STX10: variants seen among roughly 807,000 people sequenced by gnomAD.
STX10 encodes the protein syntaxin-10.
In STX10, 35 loss-of-function variants were observed where a neutral mutation model predicts 34.1. That is an observed-to-expected ratio of 1.03 (90% CI 0.78 to 1.36). STX10 has a LOEUF of 1.36. STX10 is among the 40% of genes most tolerant of loss of function. The pLI, the probability that STX10 is intolerant of heterozygous loss-of-function variation, is 0.00. For synonymous variants in STX10, 155 were observed against 132.9 expected, an observed-to-expected ratio of 1.17 and a Z score of -1.15; for missense variants, 361 against 335.5, an observed-to-expected ratio of 1.08 and a Z score of -0.59.
rs189486076 is a variant in STX10 at position 13,144,494 on chromosome 19, C to A, written c.674-8G>T. The A allele has an allele frequency of 1.9e-6, 3 of 1,613,522 alleles. No individual in the cohort carries two copies. Among genetic ancestry groups the A allele is most frequent in the South Asian group, 1.1e-5 (1 of 90,992 alleles). On this transcript the variant is annotated splice_polypyrimidine_tract_variant and splice_region_variant and intron_variant, in intron 7 of 7. Coordinates refer to ENST00000587230, the MANE Select transcript of STX10 (RefSeq NM_003765.3). ...CACACCACTGTCGGCGGTCTGGGAA[C>A]GAGAAGGTCAGGGGTCACGGGGAGA...
chr19:13,149,047 C>T lies in STX10; in HGVS notation c.345G>A (p.Leu115=). The stretch of plus-strand genomic sequence containing the variant: ...GGCTTACCTCTCTGTTATTCCTCTC[C>T]AAAAATGCTACGGCTGTTGGGCTGA... ...HMVSPTAVAF[L]ERNNREILAG... is the part of the protein sequence containing the mutation. Residue 115 remains leucine, a synonymous_variant, in exon 4 of 8, where the codon TTG becomes TTA. Transcript: ENST00000587230. 6.2e-7 allele frequency: 1 copy of T among 1,603,354 alleles called. No homozygotes were observed. The highest frequency in any genetic ancestry group is 8.5e-7 in the Non-Finnish European group (1 of 1,174,780).
intron 4 of STX10, among the ~76,000 whole-genome samples, chr19:13,146,400 A>G (rs2019900880): frequency 6.6e-6 from 1 of 152,046 alleles, no homozygotes; most frequent in South Asian, 2.1e-4. Flanking sequence ...ACATCCAGCT[A>G]ATTTTTGTAT....
chr19:13,149,826 G>T lies in STX10; in HGVS notation c.107C>A (p.Ala36Glu). The T allele has an allele frequency of 6.2e-7, 1 of 1,613,564 alleles. No homozygotes were observed. Among genetic ancestry groups the T allele is most frequent in the Non-Finnish European group, 8.5e-7 (1 of 1,179,976 alleles). ...GTCCAGCTCCTCGCGTCCGACCGCC[G>T]CGCTTTCCTGCAGGAGCTCGCACCA... is the stretch of plus-strand genomic sequence containing the variant. ...QRWCELLQES[A>E]AVGREELDWT... Residue 36 changes from alanine (A) to glutamate (E), a missense_variant, in exon 2 of 8, where the codon GCG becomes GAG. Physicochemically the swap from Ala to Glu is moderately radical, Grantham distance 107. Transcript: ENST00000587230.
intron 4 of STX10, among the ~76,000 whole-genome samples, chr19:13,146,375 C>T (rs960511877): frequency 1.3e-5 from 2 of 152,146 alleles, no homozygotes; most frequent in South Asian, 2.1e-4. Flanking sequence ...GCTGGGATTA[C>T]AGGCACCTGC....
chr19:13,148,503 CAAAAAAA>C (rs35867694), intron 4 of STX10, among the ~76,000 whole-genome samples: 1 of 75,302 alleles, frequency 1.3e-5, no homozygotes, highest in Non-Finnish European at 2.8e-5. Context: ...AACTCCATCT[CAAAAAAA>C]AAAAAAAAAA....
intron 4 of STX10, among the ~76,000 whole-genome samples, chr19:13,147,773 T>G (rs1208873876): frequency 6.6e-6 from 1 of 151,434 alleles, no homozygotes; most frequent in Non-Finnish European, 1.5e-5. Context: ...GGTGGGTGCC[T>G]GTAATCCCAG....
At chr19:13,144,707 C>T (rs911804564) in intron 6 of STX10, 36 bp from the exon 7 acceptor site, 1 of 1,613,232 alleles carries the variant, frequency 6.2e-7, no homozygotes, top group Admixed American at 1.7e-5. Flanking sequence ...CCCAGATGGC[C>T]CAGACACACC....
At position 13,145,368 on chromosome 19, in the gene STX10, T is replaced by C. The variant is rs2019874985; in HGVS notation, c.391A>G (p.Lys131Glu). The part of the protein sequence containing the change: ...EILAGKPAAQ[K>E]SPSDLLDASA... ...GCATCCAGCAGGTCGCTGGGTGACT[T>C]CTGGGCAGCTGGCTTGCCTGCGAGT... Residue 131 changes from lysine to glutamate, a missense_variant, in exon 5 of 8, where the codon AAG becomes GAG. By Grantham distance (56) the Lys-to-Glu change is moderately conservative. Coordinates refer to ENST00000587230, the MANE Select transcript of STX10 (RefSeq NM_003765.3). 7 of 1,611,644 alleles carry C rather than the reference T, an allele frequency of 4.3e-6. No individual in the cohort carries two copies. Among genetic ancestry groups the C allele is most frequent in the African/African-American group, 1.3e-5 (1 of 75,050 alleles).
intron 2 of STX10, 33 bp downstream of exon 2, chr19:13,149,695 C>T: frequency 6.2e-7 from 1 of 1,610,340 alleles, no homozygotes; most frequent in Non-Finnish European, 8.5e-7. Context: ...TGGGCTCTCC[C>T]ATGCCACCCT....
In STX10 at chr19:13,144,777, C is replaced by G; in HGVS notation, c.565G>C (p.Asp189His). 6.2e-7 allele frequency: 1 copy of G among 1,613,890 alleles called. No homozygotes were observed. The highest frequency in any genetic ancestry group is 8.5e-7 in the Non-Finnish European group (1 of 1,179,992). ...HMSGRVGEELDEQGIMLDAFA... is the reference protein window; with the variant it reads ...HMSGRVGEELHEQGIMLDAFA... Reference sequence around the variant, plus strand: ...TCCTGGCCTCACATGCCCTGCTCGTCCAGCTCTTCTCCAACGCGGCCGGAC... The same window carrying G: ...TCCTGGCCTCACATGCCCTGCTCGTGCAGCTCTTCTCCAACGCGGCCGGAC... The change falls in exon 6 of 8, where the codon GAC (aspartate) becomes CAC (histidine). Residue 189 changes from aspartate to histidine, a missense_variant. By Grantham distance (81) the Asp-to-His change is moderately conservative (BLOSUM62 -1). Transcript: ENST00000587230.
At chr19:13,146,527 G>T (rs986170218) in intron 4 of STX10, among the ~76,000 whole-genome samples, 1 of 151,422 alleles carries the variant, frequency 6.6e-6, no homozygotes, top group African/African-American at 2.4e-5. Context: ...GAGCTACCAT[G>T]CCTGGCCCAA....
chr19:13,144,796 G>A lies in STX10; in HGVS notation c.546C>T (p.Gly182=). 1 of 1,613,930 alleles carries A rather than the reference G, an allele frequency of 6.2e-7. No homozygotes were observed. Among genetic ancestry groups the A allele is most frequent in the South Asian group, 1.1e-5 (1 of 91,060 alleles). The change falls in exon 6 of 8, where the codon GGC becomes GGT. Residue 182 remains glycine, a synonymous_variant. Coordinates refer to ENST00000587230, the MANE Select transcript of STX10 (RefSeq NM_003765.3). ...GCTCGTCCAGCTCTTCTCCAACGCG[G>A]CCGGACATGTGCTTCAGAACCTGGA... ...GSIQVLKHMS[G]RVGEELDEQG...
chr19:13,145,225 C>A (rs751053660), intron 5 of STX10, 63 bp downstream of exon 5: 146 of 1,474,874 alleles, frequency 9.9e-5, no homozygotes, highest in Non-Finnish European at 1.3e-4. Context: ...AAAAGGGACC[C>A]CAGACCTCAG....
chr19:13,144,899 T>C, intron 5 of STX10, 29 bp from the exon 6 acceptor site: 1 of 1,592,648 alleles, frequency 6.3e-7, no homozygotes, highest in Non-Finnish European at 8.5e-7. Flanking sequence ...GGAGATGCTG[T>C]TGAAAACGAC....
intron 2 of STX10, 50 bp from the exon 3 acceptor site, chr19:13,149,643 C>T (rs1207083958): frequency 3.1e-6 from 5 of 1,612,254 alleles, no homozygotes; most frequent in South Asian, 1.1e-5. Context: ...CATCCCCGTC[C>T]CTAGGGGTCC....
chr19:13,144,816 C>T lies in STX10; in HGVS notation c.526G>A (p.Val176Ile). The T allele has an allele frequency of 6.2e-7, 1 of 1,614,068 alleles. No individual in the cohort carries two copies. Among genetic ancestry groups the T allele is most frequent in the Non-Finnish European group, 8.5e-7 (1 of 1,180,020 alleles). Residue 176 changes from valine (V) to isoleucine (I), a missense_variant, in exon 6 of 8, where the codon GTT (valine) becomes ATT (isoleucine). Val to Ile is a conservative substitution (Grantham distance 29). Coordinates refer to ENST00000587230, the MANE Select transcript of STX10 (RefSeq NM_003765.3). ...QLEMVSGSIQ[V>I]LKHMSGRVGE... ...ACGCGGCCGGACATGTGCTTCAGAA[C>T]CTGGATGCTCCCAGACACCATCTCC...
Position 13,150,127 on chromosome 19 carries a change from G to A in STX10, c.35+12C>T, listed in dbSNP as rs1385492563. 1.7e-6 allele frequency: 2 copies of A among 1,174,750 alleles called. No homozygotes were observed. Among genetic ancestry groups the A allele is most frequent in the Admixed American group, 1.8e-5 (1 of 55,266 alleles). 72.8% of individuals were successfully genotyped at this position (1,174,750 alleles called of 1,614,324 possible). A position where few individuals can be genotyped will look rare whatever the true frequency, so the allele number is the denominator to read the frequency against. On this transcript the variant is annotated intron_variant, in intron 1 of 7. Transcript: ENST00000587230. The surrounding 1 kb of genome is among the most constrained non-coding windows in gnomAD (Gnocchi z 4.0). ...AGAGCACCCTCCGCCCTCCCCCGTC[G>A]TTGTCACTCACCCTCGGACTACAAA...
Position 13,150,246 on chromosome 19 carries a change from G to C in STX10, c.-73C>G, listed in dbSNP as rs878920257. The stretch of plus-strand genomic sequence containing the variant: ...GCGGGCTGGTTCCCTCCCAACCGAG[G>C]AGAACGCGCCGCCACCCCCGCCCCC... On this transcript the variant is annotated 5_prime_UTR_variant, in exon 1 of 8. Transcript: ENST00000587230. This position sits in a 1 kb window ranked among gnomAD's most constrained non-coding sequence, Gnocchi z 4.0. 3 of 681,704 alleles carry C rather than the reference G, an allele frequency of 4.4e-6. No homozygotes were observed. The Admixed American group carries it at 7.2e-5, about 16-fold the overall frequency. 42.2% of individuals were successfully genotyped at this position (681,704 alleles called of 1,614,324 possible). A position where few individuals can be genotyped will look rare whatever the true frequency, so the allele number is the denominator to read the frequency against.
chr19:13,144,893 A>T (rs1419602364), intron 5 of STX10, 23 bp from the exon 6 acceptor site: 1 of 1,598,946 alleles, frequency 6.3e-7, no homozygotes, highest in African/African-American at 1.3e-5. Context: ...GGGGTGGGAG[A>T]TGCTGTTGAA....
Sources: gnomAD v4.1 joint callset for allele counts (sites outside exome capture counted in the v4.1 genomes callset) on GRCh38, gnomAD v4.1.1 for gene constraint, Gnocchi (gnomAD v3.1) non-coding constraint, MANE v1.5 for transcripts, NCBI Gene and HGNC (gene_info 2026-07-23, HGNC 2026-07-21) for gene names.